The following CNTNAP2 variants were observed in gnomAD, a reference collection of about 807,000 sequenced individuals.
The protein encoded by CNTNAP2 is contactin-associated protein-like 2.
In CNTNAP2, 98 loss-of-function variants were observed where a neutral mutation model predicts 155.2. The ratio of observed to expected loss-of-function variants is 0.63; its 90% CI spans 0.54 to 0.75. The LOEUF is 0.75. CNTNAP2 is among the 30% of genes least tolerant of loss of function. CNTNAP2 has a pLI of 0.00. For missense variants in CNTNAP2, 1,727 were observed against 1,688.1 expected, an observed-to-expected ratio of 1.02 and a Z score of -0.40; for synonymous variants, 651 against 631.2, an observed-to-expected ratio of 1.03 and a Z score of -0.47.
chr7:146,412,291 A>G (rs1177957983), intron 1 of CNTNAP2, among the ~76,000 whole-genome samples: 5 of 152,228 alleles, frequency 3.3e-5, no homozygotes, highest in Admixed American at 2.0e-4. Context: ...TCTTATCTGT[A>G]AATCAGACAA....
intron 1 of CNTNAP2, 52 bp from the exon 2 acceptor site, chr7:146,774,219 A>C: frequency 4.7e-6 from 6 of 1,265,720 alleles, no homozygotes; most frequent in Non-Finnish European, 5.7e-6. Flanking sequence ...ACCAATCGTT[A>C]TTTCGAAATC....
chr7:148,399,287 C>CA (rs535111690), intron 22 of CNTNAP2, among the ~76,000 whole-genome samples: 7 of 152,176 alleles, frequency 4.6e-5, no homozygotes, highest in East Asian at 1.9e-4. Context: ...CCATAAACTT[C>CA]AAAAAAATCC....
intron 13 of CNTNAP2, among the ~76,000 whole-genome samples, chr7:147,792,652 T>C (rs1797837983): frequency 6.6e-6 from 1 of 152,194 alleles, no homozygotes; most frequent in African/African-American, 2.4e-5. Context: ...TTAATAATGC[T>C]TCTATGACCA....
chr7:147,972,064 C>T (rs1324480986), intron 14 of CNTNAP2, among the ~76,000 whole-genome samples: 4 of 152,164 alleles, frequency 2.6e-5, no homozygotes, highest in Non-Finnish European at 5.9e-5. Context: ...TGTGAAGTAG[C>T]ATCTCAATGT....
At chr7:148,296,556 A>AAAAAAAAAAC (rs1797290512) in intron 21 of CNTNAP2, among the ~76,000 whole-genome samples, 1 of 135,776 alleles carries the variant, frequency 7.4e-6, no homozygotes, top group Non-Finnish European at 1.6e-5. Flanking sequence ...AAAAAAAAAA[A>AAAAAAAAAAC]AAAAAAAAAA....
intron 11 of CNTNAP2, among the ~76,000 whole-genome samples, chr7:147,560,965 C>T (rs1026569789): frequency 1.3e-5 from 2 of 151,366 alleles, no homozygotes; most frequent in African/African-American, 4.9e-5. Context: ...CTTTCTGATT[C>T]CAACCAGGCT....
At chr7:147,854,855 A>T (rs975623107) in intron 13 of CNTNAP2, among the ~76,000 whole-genome samples, 7 of 152,214 alleles carry the variant, frequency 4.6e-5, no homozygotes, top group African/African-American at 1.4e-4. Flanking sequence ...GTTATTTCTA[A>T]TTAGAATAAT....
At chr7:148,185,174 A>T (rs2040921) in intron 18 of CNTNAP2, among the ~76,000 whole-genome samples, 61,466 of 151,966 alleles carry the variant, frequency 0.4, 13,521 homozygotes, top group Non-Finnish European at 0.48. Flanking sequence ...TGCTCACAAC[A>T]ATCCAGCAAG....
intron 1 of CNTNAP2, among the ~76,000 whole-genome samples, chr7:146,525,712 T>C (rs977289999): frequency 1.3e-5 from 2 of 152,160 alleles, no homozygotes; most frequent in African/African-American, 4.8e-5. Flanking sequence ...AGGCCTTCCA[T>C]AGCAGCTTCC....
At chr7:147,571,125 T>C (rs75249301) in intron 12 of CNTNAP2, among the ~76,000 whole-genome samples, 1,812 of 152,218 alleles carry the variant, frequency 0.012, 28 homozygotes, top group Non-Finnish European at 0.019. Flanking sequence ...GTTCTTTTTT[T>C]TATTATTATT....
chr7:146,617,495 A>G (rs1171697040), intron 1 of CNTNAP2, among the ~76,000 whole-genome samples: 1 of 151,648 alleles, frequency 6.6e-6, no homozygotes. Context: ...TAATTCTATG[A>G]CTCATTACCT....
At chr7:147,707,420 G>A (rs933664593) in intron 13 of CNTNAP2, among the ~76,000 whole-genome samples, 2 of 152,236 alleles carry the variant, frequency 1.3e-5, no homozygotes, top group Non-Finnish European at 2.9e-5. Context: ...CTCAGTGACT[G>A]CAGTGTCTGT....
At chr7:146,392,216 A>G (rs918247032) in intron 1 of CNTNAP2, among the ~76,000 whole-genome samples, 2 of 151,938 alleles carry the variant, frequency 1.3e-5, no homozygotes, top group African/African-American at 4.8e-5. Flanking sequence ...AATTATAAAT[A>G]TTTCATGGTA....
chr7:147,023,197 A>G (rs1266613540), intron 3 of CNTNAP2, among the ~76,000 whole-genome samples: 3 of 152,198 alleles, frequency 2.0e-5, no homozygotes, highest in African/African-American at 7.2e-5. Context: ...TGATAGCTTC[A>G]TCCACTGAAG....
At chr7:147,375,548 A>C (rs113396206) in intron 9 of CNTNAP2, among the ~76,000 whole-genome samples, 6,245 of 152,076 alleles carry the variant, frequency 0.041, 451 homozygotes, top group African/African-American at 0.14. Context: ...TGAGTGGTGT[A>C]GGGGGCCCCA....
At chr7:147,517,259 A>C (rs1799144562) in intron 11 of CNTNAP2, among the ~76,000 whole-genome samples, 1 of 152,174 alleles carries the variant, frequency 6.6e-6, no homozygotes, top group African/African-American at 2.4e-5. Flanking sequence ...TGCTATTCAC[A>C]AAGAGTTCTT....
intron 12 of CNTNAP2, among the ~76,000 whole-genome samples, chr7:147,629,499 C>T (rs1039593990): frequency 2.6e-5 from 4 of 151,352 alleles, no homozygotes; most frequent in African/African-American, 7.3e-5. Flanking sequence ...AGTTACAGAA[C>T]GTTCTACTCA....
At chr7:146,960,780 A>G (rs1265102317) in intron 3 of CNTNAP2, among the ~76,000 whole-genome samples, 1 of 151,410 alleles carries the variant, frequency 6.6e-6, no homozygotes, top group Admixed American at 6.6e-5. Flanking sequence ...TAAATATGGT[A>G]TTTTTTTTTC....
In CNTNAP2 at chr7:147,695,793, C is replaced by T. The variant is rs375468567; in HGVS notation, c.2098+56487C>T. On this transcript the variant is annotated intron_variant, in intron 13 of 23. Transcript: ENST00000361727. Reference sequence around the variant, plus strand: ...CTCCAGCCTGGGCCACAGAGTGAGACTCCATCTCAAAAAAAATAAAAAACT... The same window carrying T: ...CTCCAGCCTGGGCCACAGAGTGAGATTCCATCTCAAAAAAAATAAAAAACT... Among the ~76,000 whole-genome samples, 9 of 152,004 alleles carry T rather than the reference C, an allele frequency of 5.9e-5. No individual in the cohort carries two copies. In the East Asian group the frequency reaches 1.7e-3, roughly 29 times the overall value.
Sources: allele counts gnomAD v4.1 joint callset (sites outside exome capture counted in the v4.1 genomes callset), GRCh38; gene constraint gnomAD v4.1.1; transcripts MANE v1.5; gene names NCBI Gene and HGNC (gene_info 2026-07-23, HGNC 2026-07-21).